Variants in ADAMTS7 observed in about 807,000 individuals in gnomAD.
ADAMTS7 encodes the protein ADAM metallopeptidase with thrombospondin type 1 motif 7, also known as A disintegrin and metalloproteinase with thrombospondin motifs 7.
In ADAMTS7, 89 loss-of-function variants were observed where a neutral mutation model predicts 172.6. That is an observed-to-expected ratio of 0.52 (90% CI 0.43 to 0.61). ADAMTS7 has a LOEUF of 0.61. Among genes scored for constraint, ADAMTS7 ranks in the 20% least tolerant of loss-of-function variants. ADAMTS7 has a pLI of 0.00. For synonymous variants in ADAMTS7, 885 were observed against 978.4 expected, an observed-to-expected ratio of 0.90 and a Z score of 1.78; for missense variants, 1,973 against 2,355.6, an observed-to-expected ratio of 0.84 and a Z score of 3.36.
At chr15:78,781,698 T>C (rs969290949) in intron 8 of ADAMTS7, among the ~76,000 whole-genome samples, 51 of 152,104 alleles carry the variant, frequency 3.4e-4, no homozygotes, top group African/African-American at 1.2e-3. Context: ...GCCCTGGGGG[T>C]GCTGTGGGGG....
chr15:78,762,281 G>A (rs2055057369), intron 23 of ADAMTS7, 122 bp downstream of exon 23: 1 of 1,203,268 alleles, frequency 8.3e-7, no homozygotes, highest in Non-Finnish European at 1.1e-6. Flanking sequence ...TGTGGCTCCT[G>A]AGCCCAGACT....
intron 2 of ADAMTS7, among the ~76,000 whole-genome samples, chr15:78,799,836 T>C (rs899397122): frequency 6.8e-6 from 1 of 146,216 alleles, no homozygotes; most frequent in Non-Finnish European, 1.5e-5. Flanking sequence ...TTTCTTTCTT[T>C]CTTTTTTTTT....
At chr15:78,802,194 T>G (rs2055734751) in intron 1 of ADAMTS7, among the ~76,000 whole-genome samples, 1 of 152,114 alleles carries the variant, frequency 6.6e-6, no homozygotes, top group Admixed American at 6.5e-5. Flanking sequence ...ACTTAGTCCT[T>G]TTTTGGTATT....
Position 78,763,753 on chromosome 15 carries a change from G to C in ADAMTS7, c.4686C>G (p.Thr1562=), listed in dbSNP as rs747543647. The C allele has an allele frequency of 6.3e-7, 1 of 1,598,186 alleles. No individual in the cohort carries two copies. Among genetic ancestry groups the C allele is most frequent in the Admixed American group, 1.7e-5 (1 of 59,346 alleles). Residue 1562 remains threonine, a synonymous_variant, in exon 22 of 24, where the codon ACC becomes ACG. Transcript: ENST00000388820. ...TGCAGGGGTGGGTGTTGCAGGGCCG[G>C]GTGGTGTTGGGTCTCAGCGCCTCCT... ...LCEEALRPNT[T]RPCNTHPCTQ...
rs2055005879 is a variant in ADAMTS7 at position 78,759,479 on chromosome 15, C to G, written c.5003G>C (p.Cys1668Ser). The change falls in exon 24 of 24, where the codon TGC (cysteine) becomes TCC (serine). Residue 1668 changes from cysteine to serine, a missense_variant. By Grantham distance (112) the Cys-to-Ser change is moderately radical. Coordinates refer to ENST00000388820, the MANE Select transcript of ADAMTS7 (RefSeq NM_014272.5). ...PTIRTQCCRSCSPPSHGAPSR... is the reference protein window; with the variant it reads ...PTIRTQCCRSSSPPSHGAPSR... ...GGGGGCGCCGTGGCTGGGCGGAGAG[C>G]ACGAGCGGCAGCACTGGGTGCGGAT... 3 of 1,596,888 alleles carry G rather than the reference C, an allele frequency of 1.9e-6. No individual in the cohort carries two copies. Among genetic ancestry groups the G allele is most frequent in the Non-Finnish European group, 2.5e-6 (3 of 1,177,318 alleles).
chr15:78,807,100 G>A (rs1000411137), intron 1 of ADAMTS7, among the ~76,000 whole-genome samples: 2 of 152,182 alleles, frequency 1.3e-5, no homozygotes, highest in East Asian at 3.9e-4. Context: ...ATTAACGTTG[G>A]TTCCCAGGGC....
At chr15:78,797,121 C>T (rs1396405907) in intron 3 of ADAMTS7, among the ~76,000 whole-genome samples, 2 of 152,198 alleles carry the variant, frequency 1.3e-5, no homozygotes, top group Admixed American at 1.3e-4. Context: ...AAGCTGGCAA[C>T]TGGGCCCCTA....
In ADAMTS7 at chr15:78,806,641, G is replaced by A. The variant is rs149660612; in HGVS notation, c.100+4480C>T. On this transcript the variant is annotated intron_variant, in intron 1 of 23. Coordinates refer to ENST00000388820, the MANE Select transcript of ADAMTS7 (RefSeq NM_014272.5). ...GGAAGGGAGCCCAGGTCAAGGAGAC[G>A]AAAATGACAGAGATAGGGAAGAACT... is the stretch of plus-strand genomic sequence containing the variant. 2.0e-3 allele frequency among the ~76,000 whole-genome samples: 302 copies of A among 152,194 alleles called. 2 individuals are homozygous for A. The highest frequency in any genetic ancestry group is 6.8e-3 in the African/African-American group (284 of 41,536).
At position 78,764,084 on chromosome 15, in the gene ADAMTS7, C is replaced by A; in HGVS notation, c.4435G>T (p.Gly1479Cys). 6.5e-7 allele frequency: 1 copy of A among 1,526,912 alleles called. No homozygotes were observed. Among genetic ancestry groups the A allele is most frequent in the South Asian group, 1.2e-5 (1 of 81,522 alleles). The allele number at this position is 1,526,912 out of a possible 1,614,324, so 94.6% of individuals were successfully genotyped here. The change falls in exon 21 of 24, where the codon GGC becomes TGC. Residue 1479 changes from glycine (G) to cysteine (C), a missense_variant. Transcript: ENST00000388820. ...ACGTCCCGCACTGAGGAACCTCCGC[C>A]GCAGCTGCGGGAGCACTGGGGACCG... ...GNWSKCSRSC[G>C]GGSSVRDVQC...
chr15:78,762,228 C>A (rs2055056276), intron 23 of ADAMTS7, 175 bp downstream of exon 23: 1 of 753,800 alleles, frequency 1.3e-6, no homozygotes, highest in Non-Finnish European at 1.6e-6. Context: ...CACAGCCCAG[C>A]CTCCAGCATG....
chr15:78,767,913 C>T (rs759723580), intron 17 of ADAMTS7, among the ~76,000 whole-genome samples: 7 of 150,496 alleles, frequency 4.7e-5, no homozygotes, highest in Non-Finnish European at 1.0e-4. Flanking sequence ...GAGGGGTAAC[C>T]GGGGGTTGGG....
In ADAMTS7 at chr15:78,803,466, T is replaced by C. The variant is rs544864709; in HGVS notation, c.101-2919A>G. ...TTAACAACTATGGTCTTTTTTTTTT[T>C]TTTTGAGACAGAGTCTCTCTCTGTC... On this transcript the variant is annotated intron_variant, in intron 1 of 23. Coordinates refer to ENST00000388820, the MANE Select transcript of ADAMTS7 (RefSeq NM_014272.5). 4.7e-4 allele frequency among the ~76,000 whole-genome samples: 72 copies of C among 152,030 alleles called. 1 individual carries two copies. Among genetic ancestry groups the C allele is most frequent in the Middle Eastern group, 6.8e-3 (2 of 294 alleles).
chr15:78,790,409 T>G (rs1166598474), intron 6 of ADAMTS7, among the ~76,000 whole-genome samples: 1 of 152,210 alleles, frequency 6.6e-6, no homozygotes, highest in Non-Finnish European at 1.5e-5. Context: ...ATGCAAGATG[T>G]TACCACTGGG....
intron 11 of ADAMTS7, among the ~76,000 whole-genome samples, chr15:78,774,999 A>C (rs886419370): frequency 6.6e-6 from 1 of 152,212 alleles, no homozygotes; most frequent in African/African-American, 2.4e-5. Flanking sequence ...GGGAGGTGGC[A>C]GCAGGAAGCC....
intron 5 of ADAMTS7, 37 bp downstream of exon 5, chr15:78,791,103 C>G: frequency 6.3e-7 from 1 of 1,597,284 alleles, no homozygotes; most frequent in Non-Finnish European, 8.6e-7. Flanking sequence ...GCAGCCGAAG[C>G]CATTGCCGGG....
intron 1 of ADAMTS7, among the ~76,000 whole-genome samples, chr15:78,804,772 T>A (rs543786687): frequency 2.6e-5 from 4 of 152,142 alleles, no homozygotes; most frequent in South Asian, 4.1e-4. Flanking sequence ...ATCTTCCCCA[T>A]CATTGAGCTT....
intron 16 of ADAMTS7, among the ~76,000 whole-genome samples, chr15:78,770,078 G>A (rs1248280556): frequency 1.3e-5 from 2 of 152,086 alleles, no homozygotes; most frequent in African/African-American, 4.8e-5. Flanking sequence ...AAGGAGAATC[G>A]CTGGAGCCTG....
At chr15:78,793,452 T>C (rs998113891) in intron 4 of ADAMTS7, among the ~76,000 whole-genome samples, 1 of 151,724 alleles carries the variant, frequency 6.6e-6, no homozygotes, top group African/African-American at 2.4e-5. Context: ...AGCCTCCACC[T>C]CCTGGGCTCA....
chr15:78,810,825 T>G (rs2055856640), intron 1 of ADAMTS7: 1 of 277,928 alleles, frequency 3.6e-6, no homozygotes, highest in Non-Finnish European at 6.7e-6. Context: ...GGCGCGTTGC[T>G]GCACCCGAGG....
Sources: gnomAD v4.1 joint callset for allele counts (sites outside exome capture counted in the v4.1 genomes callset) on GRCh38, gnomAD v4.1.1 for gene constraint, MANE v1.5 for transcripts, NCBI Gene and HGNC (gene_info 2026-07-23, HGNC 2026-07-21) for gene names.